The following GPR17 variants were observed in gnomAD, a reference collection of about 807,000 sequenced individuals.
GPR17 encodes the protein uracil nucleotide/cysteinyl leukotriene receptor.
Under a neutral mutation model 1.5 loss-of-function variants are expected in GPR17, and 4 were observed. The ratio of observed to expected loss-of-function variants is 2.73; its 90% CI spans 1.35 to 6.25. The LOEUF (loss-of-function observed/expected upper bound fraction) is 6.25, where lower values mean the gene tolerates loss of function less well. Ranked by LOEUF, GPR17 falls within the 30% of genes most tolerant of loss-of-function variation. The pLI is 0.00. For synonymous variants in GPR17, 209 were observed against 207.6 expected, an observed-to-expected ratio of 1.01 and a Z score of -0.06; for missense variants, 463 against 462.1, an observed-to-expected ratio of 1.00 and a Z score of -0.02.
chr2:127,651,017 G>A lies in GPR17; in HGVS notation c.282G>A (p.Gly94=), dbSNP rs757569405. 4.3e-6 allele frequency: 7 copies of A among 1,613,726 alleles called. No individual in the cohort carries two copies. The highest frequency in any genetic ancestry group is 8.5e-7 in the Non-Finnish European group (1 of 1,180,046). Residue 94 remains glycine, a synonymous_variant, in exon 2 of 2, where the codon GGG becomes GGA. Transcript: ENST00000486700. ...CCCGCCTGGTCTACCACTTCTCTGG[G>A]AACCACTGGCCATTTGGGGAAATCG... ...LPTRLVYHFS[G]NHWPFGEIAC...
intron 1 of GPR17, chr2:127,646,508 A>G (rs1023571568): frequency 1.3e-5 from 2 of 152,256 alleles, no homozygotes; most frequent in African/African-American, 4.8e-5. Flanking sequence ...GCTGCCCCTA[A>G]CCATTAGGCA....
chr2:127,651,140 C>G lies in GPR17; in HGVS notation c.405C>G (p.His135Gln). Residue 135 changes from histidine (H) to glutamine (Q), a missense_variant, in exon 2 of 2, where the codon CAC becomes CAG. By Grantham distance (24) the His-to-Gln change is conservative. Coordinates refer to ENST00000486700, the MANE Select transcript of GPR17 (RefSeq NM_001161417.2). Reference protein sequence around the residue: ...ISADRFLAIVHPVKSLKLRRP... With the variant: ...ISADRFLAIVQPVKSLKLRRP... ...CCGACCGTTTCCTGGCCATTGTGCA[C>G]CCGGTCAAGTCCCTCAAGCTCCGCA... The G allele has an allele frequency of 6.2e-7, 1 of 1,613,330 alleles. No homozygotes were observed. Among genetic ancestry groups the G allele is most frequent in the African/African-American group, 1.3e-5 (1 of 75,066 alleles).
chr2:127,651,202 G>GGGT lies in GPR17; in HGVS notation c.476_478dup (p.Val159dup). On this transcript the variant is annotated inframe_insertion, in exon 2 of 2. Transcript: ENST00000486700. ...GCACACCTGGCCTGTGCCTTCCTGT[G>GGGT]GGTGGTGGTGGCTGTGGCCATGGCC... 1 of 1,610,526 alleles carries GGGT rather than the reference G, an allele frequency of 6.2e-7. No homozygotes were observed. Among genetic ancestry groups the GGGT allele is most frequent in the East Asian group, 2.2e-5 (1 of 44,880 alleles).
chr2:127,648,858 C>T (rs1683277469), intron 1 of GPR17, among the ~76,000 whole-genome samples: 1 of 150,022 alleles, frequency 6.7e-6, no homozygotes, highest in African/African-American at 2.5e-5. Flanking sequence ...GAGGTTGAGG[C>T]TGCAGTGAGC....
rs1683621128 is a variant in GPR17, at chr2:127,650,463, G to T, written c.-20-253G>T. 3 of 554,358 alleles carry T rather than the reference G, an allele frequency of 5.4e-6. No homozygotes were observed. The Admixed American group carries it at 1.0e-4, about 18-fold the overall frequency. 34.3% of individuals were successfully genotyped at this position (554,358 alleles called of 1,614,324 possible). On this transcript the variant is annotated intron_variant, in intron 1 of 1. Transcript: ENST00000486700. ...CTGAGGAGCCTCAGATCTCCTGGGT[G>T]GCAGGGGTGCAGCTGCATAGCGGCG...
intron 1 of GPR17, chr2:127,648,151 G>A (rs1683206483): frequency 3.0e-6 from 3 of 985,296 alleles, no homozygotes; most frequent in South Asian, 4.7e-5. Flanking sequence ...CTGGATTCCT[G>A]GGGAATGGGG....
At chr2:127,650,369 C>T in intron 1 of GPR17, 1 of 534,282 alleles carries the variant, frequency 1.9e-6, no homozygotes, top group South Asian at 2.4e-5. Context: ...GAACAGAAAA[C>T]CCAGAGCCTC....
chr2:127,650,794 C>T lies in GPR17; in HGVS notation c.59C>T (p.Ala20Val), dbSNP rs1683673831. The T allele has an allele frequency of 6.2e-7, 1 of 1,612,908 alleles. No individual in the cohort carries two copies. Among genetic ancestry groups the T allele is most frequent in the Non-Finnish European group, 8.5e-7 (1 of 1,178,926 alleles). The change falls in exon 2 of 2, where the codon GCA becomes GTA. Residue 20 changes from alanine to valine, a missense_variant. By Grantham distance (64) the Ala-to-Val change is moderately conservative. Coordinates refer to ENST00000486700, the MANE Select transcript of GPR17 (RefSeq NM_001161417.2). ...GLITNFSLATAEQCGQETPLE... is the reference protein window; with the variant it reads ...GLITNFSLATVEQCGQETPLE... ...ATCACCAACTTCTCCCTGGCCACGGCAGAGCAATGTGGCCAGGAGACGCCA... is the reference window on the plus strand; with the variant it reads ...ATCACCAACTTCTCCCTGGCCACGGTAGAGCAATGTGGCCAGGAGACGCCA...
chr2:127,646,786 C>A (rs552633874), intron 1 of GPR17: 1 of 152,506 alleles, frequency 6.6e-6, no homozygotes, highest in Non-Finnish European at 1.5e-5. Flanking sequence ...CGGTGGCCGT[C>A]TGACCAGTGA....
rs758283225 is a variant in GPR17, at chr2:127,650,116, C to T, written c.-20-600C>T. On this transcript the variant is annotated intron_variant, in intron 1 of 1. Coordinates refer to ENST00000486700, the MANE Select transcript of GPR17 (RefSeq NM_001161417.2). Reference sequence around the variant, plus strand: ...AGACCTCTGACGTCCCAGGGTACAGCCCTTGCTGCCATCCTGGGGGCACCC... The same window carrying T: ...AGACCTCTGACGTCCCAGGGTACAGTCCTTGCTGCCATCCTGGGGGCACCC... 12 of 1,549,796 alleles carry T rather than the reference C, an allele frequency of 7.7e-6. No homozygotes were observed. The East Asian group carries it at 2.6e-4, about 33-fold the overall frequency.
At chr2:127,646,431 G>A (rs752418777) in intron 1 of GPR17, 187 bp downstream of exon 1, 12 of 152,464 alleles carry the variant, frequency 7.9e-5, no homozygotes, top group African/African-American at 1.7e-4. Flanking sequence ...GCGGTGTTTC[G>A]TCCCTCTGAT....
intron 1 of GPR17, chr2:127,650,142 T>A: frequency 7.1e-7 from 1 of 1,410,132 alleles, no homozygotes; most frequent in Admixed American, 1.9e-5. Flanking sequence ...GGGGGCACCC[T>A]CCTAAGTGCC....
At chr2:127,648,854 G>A (rs1353249308) in intron 1 of GPR17, among the ~76,000 whole-genome samples, 1 of 150,770 alleles carries the variant, frequency 6.6e-6, no homozygotes, top group African/African-American at 2.4e-5. Context: ...CCTGGAGGTT[G>A]AGGCTGCAGT....
rs1167205650 is a variant in GPR17 at position 127,651,503 on chromosome 2, C to T, written c.768C>T (p.Ser256=). Residue 256 remains serine (S), a synonymous_variant, in exon 2 of 2, where the codon TCC becomes TCT. Coordinates refer to ENST00000486700, the MANE Select transcript of GPR17 (RefSeq NM_001161417.2). The part of the protein sequence containing the change: ...VCFVPYHVNR[S]VYVLHYRSHG... Reference sequence around the variant, plus strand: ...TCGTGCCCTACCACGTCAACCGCTCCGTCTACGTGCTGCACTACCGCAGCC... The same window carrying T: ...TCGTGCCCTACCACGTCAACCGCTCTGTCTACGTGCTGCACTACCGCAGCC... 2.6e-5 allele frequency: 42 copies of T among 1,612,748 alleles called. No individual in the cohort carries two copies. The highest frequency in any genetic ancestry group is 6.7e-5 in the East Asian group (3 of 44,882).
chr2:127,648,965 G>A (rs1573781556), intron 1 of GPR17, among the ~76,000 whole-genome samples: 1 of 23,402 alleles, frequency 4.3e-5, no homozygotes, highest in African/African-American at 1.8e-4. Flanking sequence ...GGGAGGGGAG[G>A]GGGGGAGGGG....
chr2:127,650,748 G>A lies in GPR17; in HGVS notation c.13G>A (p.Glu5Lys), dbSNP rs1683663074. Reference protein sequence around the residue: MNGLEVAPPGLITNF... With the variant: MNGLKVAPPGLITNF... ...CTCCAGCCAAAGCATGAATGGCCTT[G>A]AAGTGGCTCCCCCAGGTCTGATCAC... Residue 5 changes from glutamate (E) to lysine (K), a missense_variant, in exon 2 of 2, where the codon GAA becomes AAA. Coordinates refer to ENST00000486700, the MANE Select transcript of GPR17 (RefSeq NM_001161417.2). The A allele has an allele frequency of 1.2e-6, 2 of 1,612,148 alleles. No individual in the cohort carries two copies. The highest frequency in any genetic ancestry group is 1.3e-5 in the African/African-American group (1 of 74,940).
Position 127,647,446 on chromosome 2 carries a change from TA to T in GPR17, c.-21+1206del, listed in dbSNP as rs1444898323. Among the ~76,000 whole-genome samples the T allele has an allele frequency of 1.3e-5, 2 of 152,146 alleles. No homozygotes were observed. Among genetic ancestry groups the T allele is most frequent in the Non-Finnish European group, 2.9e-5 (2 of 68,026 alleles). On this transcript the variant is annotated intron_variant, in intron 1 of 1. Coordinates refer to ENST00000486700, the MANE Select transcript of GPR17 (RefSeq NM_001161417.2). This position sits in a 1 kb window ranked among gnomAD's most constrained non-coding sequence, Gnocchi z 4.3. ...GACTCCCTAACCTGCAACATGGGGC[TA>T]AAACTGGTTTGAGCCAGCACAGGCA...
intron 1 of GPR17, chr2:127,650,049 C>T (rs768890223): frequency 7.5e-6 from 12 of 1,608,368 alleles, no homozygotes; most frequent in South Asian, 1.1e-5. Context: ...TCCAGAAAGC[C>T]CCCAAGAGAG....
intron 1 of GPR17, 172 bp from the exon 2 acceptor site, chr2:127,650,544 A>G (rs1188935589): frequency 2.4e-5 from 14 of 595,296 alleles, no homozygotes; most frequent in Non-Finnish European, 4.2e-5. Flanking sequence ...AATGCCTCTG[A>G]CGCTCACGCA....
Sources: allele counts gnomAD v4.1 joint callset (sites outside exome capture counted in the v4.1 genomes callset), GRCh38; gene constraint gnomAD v4.1.1; non-coding constraint Gnocchi (gnomAD v3.1); transcripts MANE v1.5; gene names NCBI Gene and HGNC (gene_info 2026-07-23, HGNC 2026-07-21).